The following CAMTA1 variants were observed in gnomAD, a reference collection of about 807,000 sequenced individuals.
The protein encoded by CAMTA1 is calmodulin-binding transcription activator 1.
A neutral mutation model predicts 170.9 loss-of-function variants in CAMTA1; 27 were observed. That is an observed-to-expected ratio of 0.16 (90% CI 0.12 to 0.22). CAMTA1 has a LOEUF of 0.22. CAMTA1 is among the 10% of genes least tolerant of loss of function. The pLI, the probability that CAMTA1 is intolerant of heterozygous loss-of-function variation, is 1.00. For missense variants in CAMTA1, 1,619 were observed against 2,217.2 expected (o/e 0.73, Z 5.42); for synonymous variants, 833 against 891.5 (o/e 0.93, Z 1.17).
chr1:7,455,602 C>T lies in CAMTA1; in HGVS notation c.439-12228C>T, dbSNP rs2092931581. ...TTTTAAGCAAGAATCCCTGCCCAGA[C>T]TCCCTGGCCACATGCAGCCGCACAT... is the stretch of plus-strand genomic sequence containing the variant. On this transcript the variant is annotated intron_variant, in intron 5 of 22. Transcript: ENST00000303635. This position sits in a 1 kb window ranked among gnomAD's most constrained non-coding sequence, Gnocchi z 5.0. Among the ~76,000 whole-genome samples the T allele has an allele frequency of 6.6e-6, 1 of 152,232 alleles. No individual in the cohort carries two copies. The highest frequency in any genetic ancestry group is 2.1e-4 in the South Asian group (1 of 4,832).
intron 6 of CAMTA1, among the ~76,000 whole-genome samples, chr1:7,600,811 A>T (rs575988770): frequency 1.4e-3 from 211 of 152,146 alleles, no homozygotes; most frequent in African/African-American, 5.0e-3. Context: ...AAGGTCACAG[A>T]TCAACAGGAT....
intron 4 of CAMTA1, among the ~76,000 whole-genome samples, chr1:7,230,557 A>G (rs991992864): frequency 2.6e-5 from 4 of 151,714 alleles, no homozygotes; most frequent in Non-Finnish European, 4.4e-5. Context: ...CATTCCTCTG[A>G]TTCTAGTGTT....
Position 6,984,239 on chromosome 1 carries a change from G to A in CAMTA1, c.235-107065G>A, listed in dbSNP as rs542744746. Among the ~76,000 whole-genome samples, 37 of 151,796 alleles carry A rather than the reference G, an allele frequency of 2.4e-4. 1 individual carries two copies. The highest frequency in any genetic ancestry group is 3.4e-3 in the Middle Eastern group (1 of 294). On this transcript the variant is annotated intron_variant, in intron 3 of 22. Transcript: ENST00000303635. ...GGGTGGAAGGCTGGGTGGGCGGATG[G>A]CAACATCAAGTACTTTGGGAGGCCG...
intron 5 of CAMTA1, among the ~76,000 whole-genome samples, chr1:7,412,702 G>A (rs1180913154): frequency 6.6e-6 from 1 of 151,872 alleles, no homozygotes; most frequent in African/African-American, 2.4e-5. Flanking sequence ...CCATTTTGTA[G>A]GTTGCCTGTT....
At chr1:7,136,360 C>T (rs1369424132) in intron 4 of CAMTA1, among the ~76,000 whole-genome samples, 1 of 152,194 alleles carries the variant, frequency 6.6e-6, no homozygotes, top group Non-Finnish European at 1.5e-5. Flanking sequence ...CTGCAACCAC[C>T]CCTTTCCTTG....
At chr1:6,955,957 G>A (rs890641471) in intron 3 of CAMTA1, among the ~76,000 whole-genome samples, 1 of 152,184 alleles carries the variant, frequency 6.6e-6, no homozygotes, top group Non-Finnish European at 1.5e-5. Flanking sequence ...AGGAGGCAAG[G>A]GTCAGGGCTG....
intron 3 of CAMTA1, among the ~76,000 whole-genome samples, chr1:7,089,543 CCCATCCCA>C: frequency 1.1e-5 from 1 of 87,098 alleles, no homozygotes; most frequent in African/African-American, 4.2e-5. Context: ...CCCATCCCAT[CCCATCCCA>C]TCCCATCCCA....
intron 4 of CAMTA1, among the ~76,000 whole-genome samples, chr1:7,138,380 G>C (rs1191372048): frequency 6.6e-6 from 1 of 152,078 alleles, no homozygotes; most frequent in Non-Finnish European, 1.5e-5. Flanking sequence ...GCATTTAAAT[G>C]CCCTCCTTTA....
chr1:7,704,302 GGAGGCCCGCGCGGGGCTCC>G (rs2096479963), intron 11 of CAMTA1, among the ~76,000 whole-genome samples: 1 of 145,762 alleles, frequency 6.9e-6, no homozygotes, highest in Non-Finnish European at 1.5e-5. Flanking sequence ...AAGGGGAACG[GGAGGCCCGCGCGGGGCTCC>G]GGGGGCCGTC....
intron 3 of CAMTA1, among the ~76,000 whole-genome samples, chr1:6,847,509 G>C (rs1011382306): frequency 1.3e-5 from 2 of 151,830 alleles, no homozygotes; most frequent in Non-Finnish European, 2.9e-5. Flanking sequence ...CTAGATCATA[G>C]AAGGCTATGT....
chr1:7,212,380 C>A (rs993075247), intron 4 of CAMTA1, among the ~76,000 whole-genome samples: 4 of 152,210 alleles, frequency 2.6e-5, no homozygotes, highest in African/African-American at 9.6e-5. Context: ...CCTCCCCACA[C>A]ATGGGTAACC....
chr1:7,126,346 C>G (rs561367787), intron 4 of CAMTA1, among the ~76,000 whole-genome samples: 17 of 152,162 alleles, frequency 1.1e-4, no homozygotes, highest in Non-Finnish European at 2.2e-4. Context: ...CCTTCTACCC[C>G]CTCCCTAATT....
intron 3 of CAMTA1, among the ~76,000 whole-genome samples, chr1:7,037,091 C>T (rs1250526868): frequency 6.6e-6 from 1 of 152,196 alleles, no homozygotes; most frequent in Non-Finnish European, 1.5e-5. Flanking sequence ...ACGGACACAT[C>T]AAGCATTGTC....
intron 6 of CAMTA1, among the ~76,000 whole-genome samples, chr1:7,586,710 G>A (rs1377881560): frequency 6.6e-6 from 1 of 152,138 alleles, no homozygotes; most frequent in East Asian, 1.9e-4. Context: ...GTCCCACTGG[G>A]TCCTCACCAC....
intron 5 of CAMTA1, among the ~76,000 whole-genome samples, chr1:7,271,599 G>A (rs1335109251): frequency 7.5e-6 from 1 of 133,788 alleles, no homozygotes; most frequent in Non-Finnish European, 1.6e-5. Context: ...TAGATAGATA[G>A]ATAGATAGAT....
At chr1:7,555,264 A>C (rs889801117) in intron 6 of CAMTA1, among the ~76,000 whole-genome samples, 1 of 152,206 alleles carries the variant, frequency 6.6e-6, no homozygotes, top group Non-Finnish European at 1.5e-5. Context: ...GCGAAAAGGA[A>C]GGGAGCATTT....
In CAMTA1 at chr1:7,103,760, A is replaced by C. The variant is rs570931268; in HGVS notation, c.302+12389A>C. On this transcript the variant is annotated intron_variant, in intron 4 of 22. Transcript: ENST00000303635. Reference sequence around the variant, plus strand: ...CATGTACACACAATACATTACACACATGCACACACAACACACATAACTACA... The same window carrying C: ...CATGTACACACAATACATTACACACCTGCACACACAACACACATAACTACA... 1.6e-3 allele frequency among the ~76,000 whole-genome samples: 246 copies of C among 151,792 alleles called. 2 individuals are homozygous for C. Among genetic ancestry groups the C allele is most frequent in the Non-Finnish European group, 1.5e-4 (10 of 67,948 alleles).
intron 4 of CAMTA1, among the ~76,000 whole-genome samples, chr1:7,189,066 A>G (rs997168256): frequency 3.9e-5 from 6 of 152,200 alleles, no homozygotes; most frequent in Non-Finnish European, 8.8e-5. Flanking sequence ...CAGGTAATAT[A>G]CAAAGCTGGT....
At position 7,574,162 on chromosome 1, in the gene CAMTA1, T is replaced by C. The variant is rs568188537; in HGVS notation, c.511-66238T>C. On this transcript the variant is annotated intron_variant, in intron 6 of 22. Transcript: ENST00000303635. ...GGTGTCCACCCGACAGGCGGCAGCA[T>C]GTGGGCCGTGCAGGGAGTAACAGGA... 1.1e-4 allele frequency among the ~76,000 whole-genome samples: 14 copies of C among 122,502 alleles called. No individual in the cohort carries two copies. In the South Asian group the frequency reaches 2.9e-3, roughly 26 times the overall value. 80.4% of individuals were successfully genotyped at this position (122,502 alleles called of 152,430 possible). A position where few individuals can be genotyped will look rare whatever the true frequency, so the allele number is the denominator to read the frequency against.
Sources: allele counts gnomAD v4.1 joint callset (sites outside exome capture counted in the v4.1 genomes callset), GRCh38; gene constraint gnomAD v4.1.1; non-coding constraint Gnocchi (gnomAD v3.1); transcripts MANE v1.5; gene names NCBI Gene and HGNC (gene_info 2026-07-23, HGNC 2026-07-21).